SPAG16: variants seen among roughly 807,000 people sequenced by gnomAD.
SPAG16 encodes sperm-associated antigen 16 protein.
Under a neutral mutation model 80.4 loss-of-function variants are expected in SPAG16, and 86 were observed. The observed-to-expected ratio is 1.07, with a 90% CI of 0.90 to 1.28. The LOEUF (loss-of-function observed/expected upper bound fraction) is 1.28. Among genes scored for constraint, SPAG16 ranks in the 50% most tolerant of loss-of-function variants. SPAG16 has a pLI of 0.00. For missense variants in SPAG16, 870 were observed against 765.3 expected, an observed-to-expected ratio of 1.14 and a Z score of -1.61; for synonymous variants, 294 against 265.9, an observed-to-expected ratio of 1.11 and a Z score of -1.03.
intron 12 of SPAG16, among the ~76,000 whole-genome samples, chr2:214,012,274 ATAT>A (rs2047324841): frequency 2.3e-5 from 1 of 43,954 alleles, no homozygotes; most frequent in African/African-American, 8.9e-5. Flanking sequence ...ATATATATAT[ATAT>A]ATATATATAT....
At position 214,232,053 on chromosome 2, in the gene SPAG16, GAACA is replaced by G. The variant is rs574038001; in HGVS notation, c.1720+82792_1720+82795del. On this transcript the variant is annotated intron_variant, in intron 15 of 15. Coordinates refer to ENST00000331683, the MANE Select transcript of SPAG16 (RefSeq NM_024532.5). The stretch of plus-strand genomic sequence containing the variant: ...AACTAATATATTTTTAAGATGAATA[GAACA>G]AACATTTAATATCACTTAAAAGTGA... Among the ~76,000 whole-genome samples, 629 of 151,876 alleles carry G rather than the reference GAACA, an allele frequency of 4.1e-3. 4 individuals are homozygous for G. In the Middle Eastern group the frequency reaches 0.052, roughly 12 times the overall value.
At chr2:214,381,758 C>G (rs1438739775) in intron 15 of SPAG16, among the ~76,000 whole-genome samples, 2 of 152,160 alleles carry the variant, frequency 1.3e-5, no homozygotes, top group African/African-American at 4.8e-5. Flanking sequence ...CAATCTGTTA[C>G]TTAATCCAAT....
intron 11 of SPAG16, among the ~76,000 whole-genome samples, chr2:213,912,951 A>T (rs2106174167): frequency 6.6e-6 from 1 of 152,286 alleles, no homozygotes; most frequent in East Asian, 1.9e-4. Context: ...GATAGAAATC[A>T]CCTACCTATT....
intron 10 of SPAG16, among the ~76,000 whole-genome samples, chr2:213,792,573 T>G (rs1032826566): frequency 7.0e-6 from 1 of 142,726 alleles, no homozygotes; most frequent in Non-Finnish European, 1.5e-5. Flanking sequence ...TGAAAATGAG[T>G]ATCTTTTTTT....
chr2:213,775,871 T>C lies in SPAG16; in HGVS notation c.1071-86614T>C, dbSNP rs189283900. Among the ~76,000 whole-genome samples, 146 of 152,352 alleles carry C rather than the reference T, an allele frequency of 9.6e-4. 1 individual carries two copies. Among genetic ancestry groups the C allele is most frequent in the African/African-American group, 3.4e-3 (140 of 41,586 alleles). ...TTTTATTTGTGTATACCATTACAAC[T>C]AAGAAACACAATGTACAAACTCTCA... On this transcript the variant is annotated intron_variant, in intron 10 of 15. Coordinates refer to ENST00000331683, the MANE Select transcript of SPAG16 (RefSeq NM_024532.5).
chr2:213,958,267 G>T (rs912505135), intron 12 of SPAG16, among the ~76,000 whole-genome samples: 16 of 152,126 alleles, frequency 1.1e-4, no homozygotes, highest in African/African-American at 3.9e-4. Flanking sequence ...GGTTGCCTTG[G>T]CATGTCTTGG....
At chr2:213,849,141 T>C (rs2074776886) in intron 10 of SPAG16, among the ~76,000 whole-genome samples, 1 of 152,174 alleles carries the variant, frequency 6.6e-6, no homozygotes, top group Non-Finnish European at 1.5e-5. Flanking sequence ...GCTGTCACTC[T>C]TGGCATAGGG....
At chr2:213,507,509 G>T (rs1374243176) in intron 10 of SPAG16, among the ~76,000 whole-genome samples, 1 of 152,186 alleles carries the variant, frequency 6.6e-6, no homozygotes, top group Non-Finnish European at 1.5e-5. Flanking sequence ...TAGGTGATAC[G>T]ATTTCTGGAG....
chr2:213,747,303 A>T (rs1377575587), intron 10 of SPAG16, among the ~76,000 whole-genome samples: 2 of 152,256 alleles, frequency 1.3e-5, no homozygotes, highest in Non-Finnish European at 2.9e-5. Context: ...AACAGATTTT[A>T]AAAAATTTAT....
At chr2:213,563,600 T>A (rs73988548) in intron 10 of SPAG16, among the ~76,000 whole-genome samples, 16,316 of 152,176 alleles carry the variant, frequency 0.11, 1,644 homozygotes, top group African/African-American at 0.26. Context: ...ATCCTATTGG[T>A]TCAGGACCCC....
chr2:214,194,285 C>T lies in SPAG16; in HGVS notation c.1720+45019C>T, dbSNP rs190291628. ...AATCTACTATAGGCAAACCTGTCTA[C>T]CTAGATCATAATAGTCATGAAGTAT... On this transcript the variant is annotated intron_variant, in intron 15 of 15. Coordinates refer to ENST00000331683, the MANE Select transcript of SPAG16 (RefSeq NM_024532.5). Among the ~76,000 whole-genome samples the T allele has an allele frequency of 5.3e-5, 8 of 152,162 alleles. No individual in the cohort carries two copies. In the East Asian group the frequency reaches 1.5e-3, roughly 29 times the overall value.
At chr2:213,782,117 C>CTGT (rs2070022914) in intron 10 of SPAG16, among the ~76,000 whole-genome samples, 1 of 151,280 alleles carries the variant, frequency 6.6e-6, no homozygotes, top group Non-Finnish European at 1.5e-5. Context: ...ATTTCAAAGT[C>CTGT]TGTGGGTTTA....
At chr2:214,137,379 C>A (rs2055116831) in intron 14 of SPAG16, among the ~76,000 whole-genome samples, 1 of 151,666 alleles carries the variant, frequency 6.6e-6, no homozygotes, top group Admixed American at 6.6e-5. Flanking sequence ...TTGGAAATGC[C>A]AAAATATAGT....
chr2:213,451,976 G>C (rs73986872), intron 9 of SPAG16, among the ~76,000 whole-genome samples: 2 of 140,786 alleles, frequency 1.4e-5, no homozygotes, highest in Non-Finnish European at 3.1e-5. Context: ...CCACTCCCGC[G>C]CTTCCAGCTC....
rs1450417894 is a variant in SPAG16 at position 213,677,815 on chromosome 2, AT to A, written c.1071-184663del. ...TCCACCCCAAATCAACAGAATATAC[AT>A]TTTTTTCAGAACCACACCACACCGA... On this transcript the variant is annotated intron_variant, in intron 10 of 15. Coordinates refer to ENST00000331683, the MANE Select transcript of SPAG16 (RefSeq NM_024532.5). Among the ~76,000 whole-genome samples, 5 of 152,218 alleles carry A rather than the reference AT, an allele frequency of 3.3e-5. No individual in the cohort carries two copies. In the South Asian group the frequency reaches 1.0e-3, roughly 32 times the overall value.
intron 10 of SPAG16, among the ~76,000 whole-genome samples, chr2:213,637,673 G>T (rs7590583): frequency 0.058 from 8,829 of 152,114 alleles, 845 homozygotes; most frequent in African/African-American, 0.2. Flanking sequence ...AATCTAGGAG[G>T]GTTGTATTTT....
chr2:213,895,131 G>T (rs2076946140), intron 11 of SPAG16, among the ~76,000 whole-genome samples: 2 of 150,040 alleles, frequency 1.3e-5, no homozygotes, highest in Non-Finnish European at 3.0e-5. Context: ...TGACAGTGAA[G>T]AATCTAAAAA....
chr2:214,229,561 A>G lies in SPAG16; in HGVS notation c.1720+80295A>G, dbSNP rs892941802. On this transcript the variant is annotated intron_variant, in intron 15 of 15. Transcript: ENST00000331683. Reference sequence around the variant, plus strand: ...GTATTTGAAATCCAAAATGTTTTCAATTGAGTTTTCTTATTAGAATGCAAT... The same window carrying G: ...GTATTTGAAATCCAAAATGTTTTCAGTTGAGTTTTCTTATTAGAATGCAAT... 6.5e-4 allele frequency among the ~76,000 whole-genome samples: 98 copies of G among 151,808 alleles called. 5 individuals carry two copies. Among genetic ancestry groups the G allele is most frequent in the African/African-American group, 7.2e-5 (3 of 41,392 alleles).
chr2:213,716,014 A>G (rs1394726200), intron 10 of SPAG16, among the ~76,000 whole-genome samples: 2 of 152,038 alleles, frequency 1.3e-5, no homozygotes, highest in Non-Finnish European at 2.9e-5. Flanking sequence ...GCCCTCATCT[A>G]TTTGTTTAAG....
Sources: gnomAD v4.1 joint callset for allele counts (sites outside exome capture counted in the v4.1 genomes callset) on GRCh38, gnomAD v4.1.1 for gene constraint, MANE v1.5 for transcripts, NCBI Gene and HGNC (gene_info 2026-07-23, HGNC 2026-07-21) for gene names.